Variants in ATP8B3 observed in about 807,000 individuals in gnomAD.
ATP8B3 encodes the protein phospholipid-transporting ATPase IK.
ATP8B3 carries 141 observed loss-of-function variants against 140.9 expected under a neutral mutation model. That is an observed-to-expected ratio of 1.00 (90% CI 0.87 to 1.15). The LOEUF (loss-of-function observed/expected upper bound fraction) is 1.15. Among genes scored for constraint, ATP8B3 ranks in the 50% most tolerant of loss-of-function variants. The pLI is 0.00. For synonymous variants in ATP8B3, 765 were observed against 714.6 expected, an observed-to-expected ratio of 1.07 and a Z score of -1.13; for missense variants, 1,874 against 1,740.6, an observed-to-expected ratio of 1.08 and a Z score of -1.36.
At chr19:1,788,288 G>T (rs2068370316) in intron 24 of ATP8B3, among the ~76,000 whole-genome samples, 1 of 152,152 alleles carries the variant, frequency 6.6e-6, no homozygotes, top group Non-Finnish European at 1.5e-5. Context: ...CTTCTCTGGG[G>T]TTCAAGGTCT....
At position 1,807,571 on chromosome 19, in the gene ATP8B3, C is replaced by T. The variant is rs2069065413; in HGVS notation, c.517-305G>A. Among the ~76,000 whole-genome samples, 1 of 152,206 alleles carries T rather than the reference C, an allele frequency of 6.6e-6. No individual in the cohort carries two copies. The highest frequency in any genetic ancestry group is 2.1e-4 in the South Asian group (1 of 4,834). ...CCAGCCCCAAGCTTGGCCGCCACTGCTCCCCCTCCCTCCCATGTCCCTGCT... is the reference window on the plus strand; with the variant it reads ...CCAGCCCCAAGCTTGGCCGCCACTGTTCCCCCTCCCTCCCATGTCCCTGCT... On this transcript the variant is annotated intron_variant, in intron 5 of 28. Transcript: ENST00000310127. The surrounding 1 kb of genome is among the most constrained non-coding windows in gnomAD (Gnocchi z 5.9).
At chr19:1,797,904 A>G (rs1239647269) in intron 14 of ATP8B3, among the ~76,000 whole-genome samples, 3 of 152,004 alleles carry the variant, frequency 2.0e-5, no homozygotes, top group Non-Finnish European at 4.4e-5. Flanking sequence ...TCCCGGGCTC[A>G]AGACATCTTC....
At position 1,791,865 on chromosome 19, in the gene ATP8B3, G is replaced by T; in HGVS notation, c.2191-4C>A. 1 of 1,610,072 alleles carries T rather than the reference G, an allele frequency of 6.2e-7. No homozygotes were observed. The highest frequency in any genetic ancestry group is 8.5e-7 in the Non-Finnish European group (1 of 1,179,156). On this transcript the variant is annotated splice_polypyrimidine_tract_variant and splice_region_variant and intron_variant, in intron 19 of 28. Transcript: ENST00000310127. ...CGATGGCTGTGGCTCCCAGCAGCTG[G>T]TGGGGGAGGAGGGCAGGGCGGGGAA...
rs1003444396 is a variant in ATP8B3 at position 1,794,088 on chromosome 19, T to G, written c.2055+1787A>C. ...TGTCGCCCAGGCTGGAGTGCAGTGG[T>G]GCGATCACAGCTTGCTGTAGCCTCC... On this transcript the variant is annotated intron_variant, in intron 18 of 28. Transcript: ENST00000310127. The surrounding 1 kb of genome is among the most constrained non-coding windows in gnomAD (Gnocchi z 4.8). Among the ~76,000 whole-genome samples the G allele has an allele frequency of 6.6e-6, 1 of 151,578 alleles. No homozygotes were observed. The highest frequency in any genetic ancestry group is 2.4e-5 in the African/African-American group (1 of 41,218).
chr19:1,786,104 CCTGGG>C (rs759110761), intron 25 of ATP8B3, among the ~76,000 whole-genome samples: 2 of 151,948 alleles, frequency 1.3e-5, no homozygotes, highest in Non-Finnish European at 2.9e-5. Context: ...TGCACTCCAG[CCTGGG>C]TGAGAGAATG....
At position 1,811,653 on chromosome 19, in the gene ATP8B3, CGT is replaced by C. The variant is rs1279332277; in HGVS notation, c.82_83del (p.Thr28GlyfsTer2). 14 of 1,610,790 alleles carry C rather than the reference CGT, an allele frequency of 8.7e-6. No homozygotes were observed. Among genetic ancestry groups the C allele is most frequent in the Non-Finnish European group, 1.2e-5 (14 of 1,179,768 alleles). ...PSPAPPGPGD[T>X]GDSDVTQEGS... ...CTTCCTGAGTCACGTCTGAGTCACC[CGT>C]GTCCCCAGGTCCTGGTGGGGCAGGG... On this transcript the variant is annotated frameshift_variant, in exon 2 of 29. Coordinates refer to ENST00000310127, the MANE Select transcript of ATP8B3 (RefSeq NM_138813.4). LOFTEE classifies it high-confidence loss of function.
intron 24 of ATP8B3, among the ~76,000 whole-genome samples, chr19:1,787,828 G>C (rs971558385): frequency 6.0e-5 from 9 of 151,108 alleles, no homozygotes; most frequent in Non-Finnish European, 1.0e-4. Context: ...CAGATCACGA[G>C]GTCAGGAGTT....
At chr19:1,784,119 G>T (rs1391476996) in intron 28 of ATP8B3, among the ~76,000 whole-genome samples, 1 of 152,128 alleles carries the variant, frequency 6.6e-6, no homozygotes, top group East Asian at 1.9e-4. Flanking sequence ...CCACTCATCT[G>T]TCAACAGACT....
chr19:1,783,295 G>A (rs765295912), intron 28 of ATP8B3, 25 bp from the exon 29 acceptor site: 6 of 1,598,774 alleles, frequency 3.8e-6, no homozygotes, highest in African/African-American at 2.7e-5. Flanking sequence ...GGAGAGCAGG[G>A]GAAGCAGACT....
intron 20 of ATP8B3, among the ~76,000 whole-genome samples, chr19:1,791,086 C>T (rs541051521): frequency 1.3e-5 from 2 of 152,374 alleles, no homozygotes; most frequent in Admixed American, 6.5e-5. Context: ...TCAGCAGGCA[C>T]ATGTGCCTAG....
chr19:1,803,938 C>G (rs1022672517), intron 10 of ATP8B3, among the ~76,000 whole-genome samples: 1 of 147,324 alleles, frequency 6.8e-6, no homozygotes, highest in Non-Finnish European at 1.5e-5. Context: ...TAGCCAAGTT[C>G]TGGGACTGTC....
At chr19:1,790,979 G>C in intron 20 of ATP8B3, 147 bp from the exon 21 acceptor site, 1 of 696,354 alleles carries the variant, frequency 1.4e-6, no homozygotes, top group Non-Finnish European at 2.4e-6. Context: ...TCAGAGAAGG[G>C]CTTGTAACCC....
rs2068930176 is a variant in ATP8B3, at chr19:1,803,887, ACT to A, written c.905-1244_905-1243del. Among the ~76,000 whole-genome samples, 2 of 130,450 alleles carry A rather than the reference ACT, an allele frequency of 1.5e-5. 1 individual carries two copies. Among genetic ancestry groups the A allele is most frequent in the Admixed American group, 1.7e-4 (2 of 11,866 alleles). The allele number at this position is 130,450 out of a possible 152,430, so 85.6% of individuals were successfully genotyped here. ...CTCCAGCCTGGGCAACAAGAGCGAG[ACT>A]CTGTCTCAAAAAAAAAAAAAAAAAA... On this transcript the variant is annotated intron_variant, in intron 10 of 28. Transcript: ENST00000310127.
Position 1,808,218 on chromosome 19 carries a change from T to C in ATP8B3, c.516+4A>G. 6.2e-7 allele frequency: 1 copy of C among 1,606,430 alleles called. No homozygotes were observed. The highest frequency in any genetic ancestry group is 1.1e-5 in the South Asian group (1 of 90,506). ...GACTTCCTGGAGGAGGCAACACGCC[T>C]CACCTGCAGGATGATGATGATGAGG... On this transcript the variant is annotated splice_donor_region_variant and intron_variant, in intron 5 of 28. Coordinates refer to ENST00000310127, the MANE Select transcript of ATP8B3 (RefSeq NM_138813.4).
At position 1,791,162 on chromosome 19, in the gene ATP8B3, T is replaced by C. The variant is rs545316351; in HGVS notation, c.2303-330A>G. Reference sequence around the variant, plus strand: ...TCTTTTTAAATCAGAAGGGAAATAATTGAATATGTTTCCCTGGGCTGGCTC... The same window carrying C: ...TCTTTTTAAATCAGAAGGGAAATAACTGAATATGTTTCCCTGGGCTGGCTC... On this transcript the variant is annotated intron_variant, in intron 20 of 28. Transcript: ENST00000310127. 2.6e-5 allele frequency among the ~76,000 whole-genome samples: 4 copies of C among 152,178 alleles called. No homozygotes were observed. In the East Asian group the frequency reaches 7.7e-4, roughly 29 times the overall value.
At position 1,806,272 on chromosome 19, in the gene ATP8B3, C is replaced by A; in HGVS notation, c.678-103G>T. ...TGACGGGGGGCCCGCAGCTGCAGTC[C>A]CCACCTCCGGGCCTTTGCCCCCTCA... On this transcript the variant is annotated intron_variant, in intron 7 of 28. Transcript: ENST00000310127. The surrounding 1 kb of genome is among the most constrained non-coding windows in gnomAD (Gnocchi z 5.6). 5 of 1,518,066 alleles carry A rather than the reference C, an allele frequency of 3.3e-6. No individual in the cohort carries two copies. Among genetic ancestry groups the A allele is most frequent in the Non-Finnish European group, 4.4e-6 (5 of 1,136,874 alleles). The allele number at this position is 1,518,066 out of a possible 1,614,324, so 94.0% of individuals were successfully genotyped here.
intron 24 of ATP8B3, among the ~76,000 whole-genome samples, chr19:1,787,492 G>C (rs768535341): frequency 1.3e-5 from 2 of 152,164 alleles, no homozygotes; most frequent in Non-Finnish European, 2.9e-5. Context: ...ACTTTGGAAG[G>C]CCGAGGCGGG....
Position 1,806,226 on chromosome 19 carries a change from C to A in ATP8B3, c.678-57G>T. On this transcript the variant is annotated intron_variant, in intron 7 of 28. Coordinates refer to ENST00000310127, the MANE Select transcript of ATP8B3 (RefSeq NM_138813.4). The surrounding 1 kb of genome is among the most constrained non-coding windows in gnomAD (Gnocchi z 5.6). ...CTCCCTCTGCCAACCCTCCCCACACCGGGAGACCAGAGGCACGGGATGACG... is the reference window on the plus strand; with the variant it reads ...CTCCCTCTGCCAACCCTCCCCACACAGGGAGACCAGAGGCACGGGATGACG... 1 of 1,547,796 alleles carries A rather than the reference C, an allele frequency of 6.5e-7. No individual in the cohort carries two copies. The highest frequency in any genetic ancestry group is 8.7e-7 in the Non-Finnish European group (1 of 1,147,948).
Position 1,782,996 on chromosome 19 carries a change from T to C in ATP8B3, c.*32A>G. 1 of 1,575,876 alleles carries C rather than the reference T, an allele frequency of 6.3e-7. No homozygotes were observed. The highest frequency in any genetic ancestry group is 1.2e-5 in the South Asian group (1 of 86,154). On this transcript the variant is annotated 3_prime_UTR_variant, in exon 29 of 29. Transcript: ENST00000310127. ...CACCTGCCCCTGTGGCTGGTGCTTC[T>C]TCTTCCCCAGGAAGGACATCTTCCT...
Sources: gnomAD v4.1 joint callset for allele counts (sites outside exome capture counted in the v4.1 genomes callset) on GRCh38, gnomAD v4.1.1 for gene constraint, Gnocchi (gnomAD v3.1) non-coding constraint, MANE v1.5 for transcripts, NCBI Gene and HGNC (gene_info 2026-07-23, HGNC 2026-07-21) for gene names.